Variants in CACNB1 observed in about 807,000 individuals in gnomAD.
CACNB1 encodes the protein calcium voltage-gated channel auxiliary subunit beta 1.
In CACNB1, 29 loss-of-function variants were observed where a neutral mutation model predicts 71.6. That is an observed-to-expected ratio of 0.40 (90% CI 0.30 to 0.55). The LOEUF (loss-of-function observed/expected upper bound fraction) is 0.55. CACNB1 is among the 20% of genes least tolerant of loss of function. CACNB1 has a pLI of 0.38. For missense variants in CACNB1, 623 were observed against 801.8 expected (o/e 0.78, Z 2.69); for synonymous variants, 300 against 319.6 (o/e 0.94, Z 0.65).
At chr17:39,179,315 G>A (rs2045682640) in intron 11 of CACNB1, among the ~76,000 whole-genome samples, 1 of 149,832 alleles carries the variant, frequency 6.7e-6, no homozygotes. Flanking sequence ...AGGGCCGGGT[G>A]CAGTGGCTCA....
At position 39,185,846 on chromosome 17, in the gene CACNB1, C is replaced by A. The variant is rs59277275; in HGVS notation, c.628+650G>T. 3.0e-3 allele frequency: 3,857 copies of A among 1,302,082 alleles called. 95 individuals carry two copies. The African/African-American group carries it at 0.051, about 17-fold the overall frequency. 80.7% of individuals were successfully genotyped at this position (1,302,082 alleles called of 1,614,324 possible). On this transcript the variant is annotated intron_variant, in intron 6 of 13. Coordinates refer to ENST00000394303, the MANE Select transcript of CACNB1 (RefSeq NM_000723.5). ...CCTCAGCAGGAAGCCCTGATGCCCACAGAACAGGTTGGTACCACATCTGAA... is the reference window on the plus strand; with the variant it reads ...CCTCAGCAGGAAGCCCTGATGCCCAAAGAACAGGTTGGTACCACATCTGAA...
Position 39,175,158 on chromosome 17 carries a change from C to CA in CACNB1, c.*34dup, listed in dbSNP as rs755647446. ...CTCGCTCCCTCCCCTCCCCTGGGCTCAGAGCCCTTCCTCCCGCCGTGTGGC... is the reference window on the plus strand; with the variant it reads ...CTCGCTCCCTCCCCTCCCCTGGGCTCAAGAGCCCTTCCTCCCGCCGTGTGGC... On this transcript the variant is annotated 3_prime_UTR_variant, in exon 14 of 14. Coordinates refer to ENST00000394303, the MANE Select transcript of CACNB1 (RefSeq NM_000723.5). This position sits in a 1 kb window ranked among gnomAD's most constrained non-coding sequence, Gnocchi z 4.7. 5.2e-6 allele frequency: 8 copies of CA among 1,549,544 alleles called. No homozygotes were observed. Among genetic ancestry groups the CA allele is most frequent in the Non-Finnish European group, 7.1e-6 (8 of 1,134,222 alleles).
intron 13 of CACNB1, 106 bp downstream of exon 13, chr17:39,177,244 A>G (rs1383548423): frequency 6.3e-7 from 1 of 1,582,570 alleles, no homozygotes; most frequent in Non-Finnish European, 8.6e-7. Context: ...CAGGGCGCCC[A>G]CTACATGGCA....
Position 39,177,472 on chromosome 17 carries a change from A to G in CACNB1, c.1210T>C (p.Tyr404His), listed in dbSNP as rs778144395. ...GTGGCCTTCCAATAGGCTTCCAAGT[A>G]CTCCGCCAGATGCTCGCAGGCATCC... ...LEDACEHLAE[Y>H]LEAYWKATHP... The change falls in exon 13 of 14, where the codon TAC (tyrosine) becomes CAC (histidine). Residue 404 changes from tyrosine (Y) to histidine (H), a missense_variant. By Grantham distance (83) the Tyr-to-His change is moderately conservative. Transcript: ENST00000394303. 6.2e-7 allele frequency: 1 copy of G among 1,610,060 alleles called. No homozygotes were observed. Among genetic ancestry groups the G allele is most frequent in the Admixed American group, 1.7e-5 (1 of 59,814 alleles).
chr17:39,186,437 G>A lies in CACNB1; in HGVS notation c.628+59C>T, dbSNP rs759611075. On this transcript the variant is annotated intron_variant, in intron 6 of 13. Coordinates refer to ENST00000394303, the MANE Select transcript of CACNB1 (RefSeq NM_000723.5). The surrounding 1 kb of genome is among the most constrained non-coding windows in gnomAD (Gnocchi z 4.1). ...GCAGGGAAAGGAGGATTCAGGGAGT[G>A]GGGAGACCACCCCACCCAGGAGCTT... The A allele has an allele frequency of 3.8e-6, 5 of 1,303,302 alleles. No homozygotes were observed. Among genetic ancestry groups the A allele is most frequent in the Non-Finnish European group, 5.4e-6 (5 of 917,788 alleles). 80.7% of individuals were successfully genotyped at this position (1,303,302 alleles called of 1,614,324 possible).
At chr17:39,188,048 A>C (rs571273528) in intron 3 of CACNB1, among the ~76,000 whole-genome samples, 2 of 152,252 alleles carry the variant, frequency 1.3e-5, no homozygotes, top group Middle Eastern at 6.8e-3. Context: ...GTATACTGAC[A>C]CTTTGGGAGG....
At chr17:39,179,844 G>A (rs544740693) in intron 11 of CACNB1, among the ~76,000 whole-genome samples, 48 of 152,260 alleles carry the variant, frequency 3.2e-4, no homozygotes, top group Admixed American at 4.6e-4. Context: ...GGGAGGCAGA[G>A]GTTGAGGTGA....
rs2045595355 is a variant in CACNB1 at position 39,177,002 on chromosome 17, C to A, written c.1332+348G>T. ...TTATCAGTCTTCCTCGCATGTCCTT[C>A]CTAGTCCCTTGTCTTAAAAGCGCTC... is the stretch of plus-strand genomic sequence containing the variant. On this transcript the variant is annotated intron_variant, in intron 13 of 13. Transcript: ENST00000394303. The A allele has an allele frequency of 7.1e-6, 5 of 700,234 alleles. No homozygotes were observed. In the East Asian group the frequency reaches 1.6e-4, roughly 23 times the overall value. The allele number at this position is 700,234 out of a possible 1,614,324, so 43.4% of individuals were successfully genotyped here.
intron 7 of CACNB1, 21 bp from the exon 8 acceptor site, chr17:39,184,885 G>T: frequency 6.8e-7 from 1 of 1,470,748 alleles, no homozygotes; most frequent in Non-Finnish European, 9.5e-7. Flanking sequence ...AAGCAGGGAG[G>T]GGAAACCCCA....
intron 3 of CACNB1, 67 bp from the exon 4 acceptor site, chr17:39,187,668 G>A: frequency 1.9e-6 from 3 of 1,539,318 alleles, no homozygotes; most frequent in Non-Finnish European, 2.7e-6. Flanking sequence ...ACAACTTCCT[G>A]ACAGTAGTGG....
chr17:39,195,133 A>C, intron 1 of CACNB1, 163 bp from the exon 2 acceptor site: 1 of 576,892 alleles, frequency 1.7e-6, no homozygotes, highest in Non-Finnish European at 3.1e-6. Context: ...AAGGGGAGGG[A>C]GGGTCTCCCA....
Position 39,194,176 on chromosome 17 carries a change from A to G in CACNB1, c.171+708T>C, listed in dbSNP as rs2046154043. ...GGCTTTGGTGAGATGCTAAGTAGTC[A>G]TAGCAACCACATGCCTCTCTCAGTC... On this transcript the variant is annotated intron_variant, in intron 2 of 13. Coordinates refer to ENST00000394303, the MANE Select transcript of CACNB1 (RefSeq NM_000723.5). This position sits in a 1 kb window ranked among gnomAD's most constrained non-coding sequence, Gnocchi z 4.6. 6.6e-6 allele frequency among the ~76,000 whole-genome samples: 1 copy of G among 152,052 alleles called. No individual in the cohort carries two copies. Among genetic ancestry groups the G allele is most frequent in the African/African-American group, 2.4e-5 (1 of 41,390 alleles).
In CACNB1 at chr17:39,184,857, T is replaced by C. The variant is rs769916627; in HGVS notation, c.656A>G (p.His219Arg). ...SAKQKQKSTEHVPPYDVVPSM... is the reference protein window; with the variant it reads ...SAKQKQKSTERVPPYDVVPSM... Reference sequence around the variant, plus strand: ...AGGCACCACGTCATAGGGGGGCACATGCTCTGTCTGGGGGGGGAAGCAGGG... The same window carrying C: ...AGGCACCACGTCATAGGGGGGCACACGCTCTGTCTGGGGGGGGAAGCAGGG... Residue 219 changes from histidine to arginine, a missense_variant, in exon 8 of 14, where the codon CAT becomes CGT. Transcript: ENST00000394303. 3.2e-5 allele frequency: 41 copies of C among 1,275,620 alleles called. No individual in the cohort carries two copies. The highest frequency in any genetic ancestry group is 1.4e-4 in the Admixed American group (8 of 58,048). 79.0% of individuals were successfully genotyped at this position (1,275,620 alleles called of 1,614,324 possible).
chr17:39,178,799 TTAGA>T (rs1194706878), intron 11 of CACNB1, among the ~76,000 whole-genome samples: 3 of 152,188 alleles, frequency 2.0e-5, no homozygotes, highest in African/African-American at 7.2e-5. Context: ...AACAATCCTG[TTAGA>T]TAGCTGCTAT....
At chr17:39,193,624 C>CCTCCACCACT (rs1227006356) in intron 2 of CACNB1, 1 of 279,088 alleles carries the variant, frequency 3.6e-6, no homozygotes, top group African/African-American at 2.4e-5. Flanking sequence ...GGACTGCCCC[C>CCTCCACCACT]CTCCACCACT....
chr17:39,177,049 G>A, intron 13 of CACNB1: 35 of 1,254,892 alleles, frequency 2.8e-5, no homozygotes, highest in Non-Finnish European at 3.5e-5. Context: ...CATATCCAGC[G>A]GGCAGCAGAT....
At chr17:39,196,727 C>G (rs55693925) in intron 1 of CACNB1, among the ~76,000 whole-genome samples, 32,853 of 150,812 alleles carry the variant, frequency 0.22, 4,425 homozygotes, top group South Asian at 0.43. Context: ...AAAACAGCTT[C>G]CCCCCCTCCT....
chr17:39,175,654 G>A lies in CACNB1; in HGVS notation c.1336C>T (p.Pro446Ser). The A allele has an allele frequency of 6.4e-7, 1 of 1,558,380 alleles. No homozygotes were observed. Among genetic ancestry groups the A allele is most frequent in the South Asian group, 1.2e-5 (1 of 81,788 alleles). The change falls in exon 14 of 14, where the codon CCC (proline) becomes TCC (serine). Residue 446 changes from proline to serine, a missense_variant. Pro to Ser is a moderately conservative substitution (Grantham distance 74). Coordinates refer to ENST00000394303, the MANE Select transcript of CACNB1 (RefSeq NM_000723.5). This position sits in a 1 kb window ranked among gnomAD's most constrained non-coding sequence, Gnocchi z 4.7. Reference sequence around the variant, plus strand: ...GGCTGGTCCCCGGAAGCAAGGTAGGGTCCCTGGTTAGCAGACGGACAGCAC... The same window carrying A: ...GGCTGGTCCCCGGAAGCAAGGTAGGATCCCTGGTTAGCAGACGGACAGCAC... ...SPAPVSNLQG[P>S]YLASGDQPLE...
At chr17:39,187,089 C>A in intron 4 of CACNB1, 160 bp from the exon 5 acceptor site, 1 of 717,892 alleles carries the variant, frequency 1.4e-6, no homozygotes, top group Non-Finnish European at 2.3e-6. Flanking sequence ...GTGGAGCTGC[C>A]AATTCTCAGG....
Sources: gnomAD v4.1 joint callset for allele counts (sites outside exome capture counted in the v4.1 genomes callset) on GRCh38, gnomAD v4.1.1 for gene constraint, Gnocchi (gnomAD v3.1) non-coding constraint, MANE v1.5 for transcripts, NCBI Gene and HGNC (gene_info 2026-07-23, HGNC 2026-07-21) for gene names.